The following ANKRD45 variants were observed in gnomAD, a reference collection of about 807,000 sequenced individuals.
The protein encoded by ANKRD45 is ankyrin repeat domain-containing protein 45.
Under a neutral mutation model 28.1 loss-of-function variants are expected in ANKRD45, and 21 were observed. The observed-to-expected ratio is 0.75, with a 90% CI of 0.53 to 1.08. ANKRD45 has a LOEUF of 1.08. Ranked by LOEUF, ANKRD45 falls within the 50% of genes least tolerant of loss-of-function variation. The pLI, the probability that ANKRD45 is intolerant of heterozygous loss-of-function variation, is 0.00. For missense variants in ANKRD45, 261 were observed against 308.7 expected (o/e 0.85, Z 1.16); for synonymous variants, 86 against 103.9 (o/e 0.83, Z 1.05).
At chr1:173,672,929 T>C (rs751735816), upstream of ANKRD45, among the ~76,000 whole-genome samples, 15 of 152,282 alleles carry the variant, frequency 9.9e-5, no homozygotes, top group Middle Eastern at 3.4e-3. Context: ...AGTGAAGGCC[T>C]GGTGAACAGA....
intron 3 of ANKRD45, among the ~76,000 whole-genome samples, chr1:173,640,824 C>G (rs1668668159): frequency 6.6e-6 from 1 of 152,164 alleles, no homozygotes; most frequent in African/African-American, 2.4e-5. Flanking sequence ...GGAACTATGT[C>G]CTTTGAACTA....
At chr1:173,611,104 T>C (rs932971145) in intron 5 of ANKRD45, among the ~76,000 whole-genome samples, 4 of 152,220 alleles carry the variant, frequency 2.6e-5, no homozygotes, top group Non-Finnish European at 5.9e-5. Flanking sequence ...ACATTTCTAC[T>C]GTACCTTGAC....
chr1:173,620,205 G>A (rs1033585540), intron 5 of ANKRD45, among the ~76,000 whole-genome samples: 3 of 152,100 alleles, frequency 2.0e-5, no homozygotes, highest in Non-Finnish European at 2.9e-5. Context: ...ATATGCAGAA[G>A]TAAAACAGTC....
chr1:173,662,501 A>G (rs1478959699), intron 1 of ANKRD45, among the ~76,000 whole-genome samples: 1 of 152,200 alleles, frequency 6.6e-6, no homozygotes, highest in Non-Finnish European at 1.5e-5. Flanking sequence ...TTCACACATA[A>G]TGAGAAATTT....
the ANKRD45 span, among the ~76,000 whole-genome samples, chr1:173,714,136 A>G: frequency 2.0e-5 from 3 of 152,226 alleles, no homozygotes; most frequent in Non-Finnish European, 2.9e-5. Context: ...TTAGCCTAGT[A>G]TACTTACCAG....
At chr1:173,625,180 G>A (rs1252163095) in intron 4 of ANKRD45, among the ~76,000 whole-genome samples, 1 of 151,972 alleles carries the variant, frequency 6.6e-6, no homozygotes, top group Admixed American at 6.6e-5. Flanking sequence ...CATGTGGCTA[G>A]TATCTATTAT....
chr1:173,610,597 C>CG (rs1558111910), intron 5 of ANKRD45, among the ~76,000 whole-genome samples: 1 of 150,984 alleles, frequency 6.6e-6, no homozygotes, highest in East Asian at 2.0e-4. Context: ...TATAGGGGGT[C>CG]GGGGGAGAGA....
At chr1:173,656,581 G>A (rs980315372) in intron 2 of ANKRD45, among the ~76,000 whole-genome samples, 19 of 152,202 alleles carry the variant, frequency 1.2e-4, no homozygotes, top group African/African-American at 4.3e-4. Flanking sequence ...TGTATGGCCC[G>A]ACATGGCCAG....
chr1:173,690,544 A>G, the ANKRD45 span, among the ~76,000 whole-genome samples: 3 of 152,210 alleles, frequency 2.0e-5, no homozygotes, highest in Admixed American at 2.0e-4. Context: ...CTGGACTTTT[A>G]TCATTAACAT....
At chr1:173,636,808 AT>A in intron 3 of ANKRD45, 1 of 1,506,138 alleles carries the variant, frequency 6.6e-7, no homozygotes, top group Non-Finnish European at 8.9e-7. Flanking sequence ...TAAAATCTGT[AT>A]TGTTTTTCTC....
the ANKRD45 span, among the ~76,000 whole-genome samples, chr1:173,714,331 T>A: frequency 1.3e-5 from 2 of 151,142 alleles, no homozygotes; most frequent in Non-Finnish European, 2.9e-5. Flanking sequence ...TGAAAAAAAA[T>A]TTTTTTAAGA....
chr1:173,651,932 T>C (rs1292340303), intron 2 of ANKRD45, among the ~76,000 whole-genome samples: 4 of 152,252 alleles, frequency 2.6e-5, no homozygotes, highest in Non-Finnish European at 5.9e-5. Flanking sequence ...TTGTGATTTT[T>C]GCACATTGCT....
At chr1:173,634,499 TA>T (rs1029178496) in intron 3 of ANKRD45, among the ~76,000 whole-genome samples, 1 of 151,906 alleles carries the variant, frequency 6.6e-6, no homozygotes, top group Non-Finnish European at 1.5e-5. Context: ...TGTCTTTGCT[TA>T]TTATGCTTCC....
At chr1:173,712,235 G>A in the ANKRD45 span, among the ~76,000 whole-genome samples, 2 of 152,082 alleles carry the variant, frequency 1.3e-5, no homozygotes, top group African/African-American at 2.4e-5. Flanking sequence ...ATTTAAAGTT[G>A]GAAAACACCA....
chr1:173,635,553 C>G, intron 3 of ANKRD45: 1 of 1,529,612 alleles, frequency 6.5e-7, no homozygotes, highest in South Asian at 1.2e-5. Flanking sequence ...CTGATTTTTT[C>G]TCTGTTGTTT....
rs1472765723 is a variant in ANKRD45 at position 173,630,865 on chromosome 1, T to TA, written c.497-3707dup. Among the ~76,000 whole-genome samples, 142 of 37,222 alleles carry TA rather than the reference T, an allele frequency of 3.8e-3. 1 individual carries two copies. The highest frequency in any genetic ancestry group is 0.012 in the African/African-American group (137 of 11,546). 24.4% of individuals were successfully genotyped at this position (37,222 alleles called of 152,430 possible). The stretch of plus-strand genomic sequence containing the variant: ...AAAAAAGAGAGAGAGACACAAAAAA[T>TA]AAAAAGCAAGAAACTAAAAGGAAGA... On this transcript the variant is annotated intron_variant, in intron 3 of 5. Coordinates refer to ENST00000333279, the MANE Select transcript of ANKRD45 (RefSeq NM_198493.3).
At chr1:173,659,712 G>T (rs1669697542) in intron 1 of ANKRD45, among the ~76,000 whole-genome samples, 1 of 152,120 alleles carries the variant, frequency 6.6e-6, no homozygotes, top group African/African-American at 2.4e-5. Context: ...GAGATCATAT[G>T]ATCTAAATTC....
chr1:173,643,376 C>T (rs554598717), intron 3 of ANKRD45, among the ~76,000 whole-genome samples: 1 of 151,822 alleles, frequency 6.6e-6, no homozygotes, highest in African/African-American at 2.4e-5. Flanking sequence ...GTTTCACCAT[C>T]TTGGCCAGGC....
In ANKRD45 at chr1:173,614,255, G is replaced by A. The variant is rs1390293307; in HGVS notation, c.731-4040C>T. 2.0e-5 allele frequency among the ~76,000 whole-genome samples: 3 copies of A among 147,714 alleles called. No individual in the cohort carries two copies. The East Asian group carries it at 5.9e-4, about 29-fold the overall frequency. On this transcript the variant is annotated intron_variant, in intron 5 of 5. Coordinates refer to ENST00000333279, the MANE Select transcript of ANKRD45 (RefSeq NM_198493.3). ...ATCCCCCTCTGTGAGAAACACCCAA[G>A]AATGATCAATAAAAAAAAAAAAATA...
Sources: allele counts gnomAD v4.1 joint callset (sites outside exome capture counted in the v4.1 genomes callset), GRCh38; gene constraint gnomAD v4.1.1; transcripts MANE v1.5; gene names NCBI Gene and HGNC (gene_info 2026-07-23, HGNC 2026-07-21).